RNF17: variants seen among roughly 807,000 people sequenced by gnomAD.
RNF17 encodes spermatogenesis associated 23.
In RNF17, 31 loss-of-function variants were observed where a neutral mutation model predicts 200.5. The ratio of observed to expected loss-of-function variants is 0.15; its 90% confidence interval spans 0.12 to 0.21. RNF17 has a LOEUF of 0.21. RNF17 is among the 10% of genes least tolerant of loss of function. The pLI, the probability that RNF17 is intolerant of heterozygous loss-of-function variation, is 1.00. For synonymous variants in RNF17, 606 were observed against 637.8 expected (o/e 0.95, Z 0.75); for missense variants, 1,628 against 1,905.1 (o/e 0.85, Z 2.71).
intron 15 of RNF17, among the ~76,000 whole-genome samples, chr13:24,821,177 G>A (rs1219371890): frequency 6.6e-6 from 1 of 152,044 alleles, no homozygotes; most frequent in Non-Finnish European, 1.5e-5. Flanking sequence ...AGTTCTCCTT[G>A]TATATTTGTC....
intron 22 of RNF17, 60 bp from the exon 23 acceptor site, chr13:24,850,280 TG>T (rs1891730967): frequency 1.9e-6 from 2 of 1,056,788 alleles, no homozygotes; most frequent in South Asian, 2.8e-5. Context: ...TAGTGTTTTT[TG>T]TATATTTCAA....
downstream of RNF17, chr13:24,884,282 A>AGAT (rs755688096): frequency 9.3e-6 from 15 of 1,614,122 alleles, no homozygotes; most frequent in South Asian, 5.5e-5. Flanking sequence ...TTTTCTCCAG[A>AGAT]GATGGTTAAA....
At chr13:24,834,840 G>T (rs1401127130) in intron 18 of RNF17, among the ~76,000 whole-genome samples, 1 of 152,172 alleles carries the variant, frequency 6.6e-6, no homozygotes, top group East Asian at 1.9e-4. Flanking sequence ...GAACTCAGGG[G>T]AGGGTACAAA....
At chr13:24,855,629 T>TTA (rs1555286672) in intron 25 of RNF17, among the ~76,000 whole-genome samples, 6 of 142,744 alleles carry the variant, frequency 4.2e-5, no homozygotes, top group African/African-American at 1.5e-4. Flanking sequence ...GAGACTCCAT[T>TTA]AAAAAAAAAA....
chr13:24,864,685 C>A (rs537886257), intron 28 of RNF17, among the ~76,000 whole-genome samples, 188 bp from the exon 29 acceptor site: 2 of 151,938 alleles, frequency 1.3e-5, no homozygotes, highest in East Asian at 1.9e-4. Flanking sequence ...TTACATAAAC[C>A]AAAGTAGTAG....
intron 18 of RNF17, among the ~76,000 whole-genome samples, chr13:24,833,768 AG>A (rs1355327351): frequency 6.6e-6 from 1 of 152,234 alleles, no homozygotes; most frequent in African/African-American, 2.4e-5. Context: ...TAAAATTGTG[AG>A]TTCAAGACCT....
chr13:24,753,923 G>A, the RNF17 span, among the ~76,000 whole-genome samples: 6 of 152,100 alleles, frequency 3.9e-5, no homozygotes, highest in Non-Finnish European at 5.9e-5. Flanking sequence ...TTGGGAGCCC[G>A]AGGCAGGGGG....
chr13:24,874,636 T>C (rs1894667728), intron 33 of RNF17, among the ~76,000 whole-genome samples: 1 of 152,158 alleles, frequency 6.6e-6, no homozygotes, highest in African/African-American at 2.4e-5. Context: ...AGTCTCAAAC[T>C]CCTGACCTCA....
rs770705249 is a variant in RNF17 at position 24,859,154 on chromosome 13, G to T, written c.3764G>T (p.Gly1255Val). 5 of 1,597,552 alleles carry T rather than the reference G, an allele frequency of 3.1e-6. No individual in the cohort carries two copies. The highest frequency in any genetic ancestry group is 4.3e-6 in the Non-Finnish European group (5 of 1,170,398). The change falls in exon 26 of 36, where the codon GGC (glycine) becomes GTC (valine). Residue 1255 changes from glycine (G) to valine (V), a missense_variant. By Grantham distance (109) the Gly-to-Val change is moderately radical. Coordinates refer to ENST00000255324, the MANE Select transcript of RNF17 (RefSeq NM_031277.3). Reference sequence around the variant, plus strand: ...GGCAAGGTGATGGAGGTTGTAGGTGGCGCTGTCAGAGTGAGTCTGATATTC... The same window carrying T: ...GGCAAGGTGATGGAGGTTGTAGGTGTCGCTGTCAGAGTGAGTCTGATATTC... The part of the protein sequence containing the change: ...YRGKVMEVVG[G>V]AVRVQYLDHG...
At chr13:24,792,161 C>T (rs747104794) in intron 9 of RNF17, among the ~76,000 whole-genome samples, 4 of 152,096 alleles carry the variant, frequency 2.6e-5, no homozygotes, top group Admixed American at 2.0e-4. Flanking sequence ...GGTTACTATC[C>T]GCATTTCTAA....
At chr13:24,862,947 C>T (rs1335293827) in intron 28 of RNF17, among the ~76,000 whole-genome samples, 154 bp downstream of exon 28, 3 of 152,174 alleles carry the variant, frequency 2.0e-5, no homozygotes, top group East Asian at 3.8e-4. Flanking sequence ...TTGGTTCCTG[C>T]GCCTGCTTTA....
At chr13:24,767,201 G>GCAA in intron 1 of RNF17, 71 bp from the exon 2 acceptor site, 1 of 1,074,402 alleles carries the variant, frequency 9.3e-7, no homozygotes, top group South Asian at 1.4e-5. Context: ...TCCAGCTTGG[G>GCAA]CAACAGAGCA....
At chr13:24,818,946 T>C (rs544954265) in intron 15 of RNF17, among the ~76,000 whole-genome samples, 1 of 152,242 alleles carries the variant, frequency 6.6e-6, no homozygotes, top group Non-Finnish European at 1.5e-5. Flanking sequence ...TATCACACTT[T>C]TATTCCTTCT....
chr13:24,801,061 T>C (rs1885193294), intron 13 of RNF17, among the ~76,000 whole-genome samples: 1 of 152,094 alleles, frequency 6.6e-6, no homozygotes, highest in Non-Finnish European at 1.5e-5. Context: ...ATTTAGCAGA[T>C]CACATGCCAC....
At chr13:24,827,627 G>A (rs973012773) in intron 16 of RNF17, among the ~76,000 whole-genome samples, 1 of 143,302 alleles carries the variant, frequency 7.0e-6, no homozygotes, top group Admixed American at 7.2e-5. Context: ...GCGTGAACCC[G>A]GGAGGCGGAG....
chr13:24,806,470 A>G (rs541862866), intron 15 of RNF17, among the ~76,000 whole-genome samples: 2 of 152,126 alleles, frequency 1.3e-5, no homozygotes, highest in Admixed American at 6.5e-5. Flanking sequence ...CCCACCAACA[A>G]TGTAAAAGCA....
chr13:24,796,257 G>A lies in RNF17; in HGVS notation c.1361G>A (p.Arg454Lys). ...LEKKVNEFCN[R>K]SSHLDPSDIL... ...AAGAAGGTGAATGAATTTTGCAATA[G>A]GAGTTCACACCTTGATCCTTCAGAC... is the stretch of plus-strand genomic sequence containing the variant. Residue 454 changes from arginine to lysine, a missense_variant, in exon 11 of 36, where the codon AGG becomes AAG. Physicochemically the swap from Arg to Lys is conservative, Grantham distance 26. Transcript: ENST00000255324. The A allele has an allele frequency of 6.2e-7, 1 of 1,611,614 alleles. No individual in the cohort carries two copies. The highest frequency in any genetic ancestry group is 8.5e-7 in the Non-Finnish European group (1 of 1,178,480).
the RNF17 span, among the ~76,000 whole-genome samples, chr13:24,758,937 G>A: frequency 6.6e-6 from 1 of 151,866 alleles, no homozygotes. Flanking sequence ...TTAGCCGGGC[G>A]TGGTGGTGTG....
At chr13:24,782,477 T>C (rs1236877726) in intron 6 of RNF17, among the ~76,000 whole-genome samples, 2 of 152,012 alleles carry the variant, frequency 1.3e-5, no homozygotes, top group African/African-American at 4.8e-5. Context: ...GGATTACAGG[T>C]GTACATAACG....
Sources: allele counts gnomAD v4.1 joint callset (sites outside exome capture counted in the v4.1 genomes callset), GRCh38; gene constraint gnomAD v4.1.1; transcripts MANE v1.5; gene names NCBI Gene and HGNC (gene_info 2026-07-23, HGNC 2026-07-21).